Variants in KIF26B observed in about 807,000 individuals in gnomAD.
The protein encoded by KIF26B is kinesin-like protein KIF26B.
KIF26B carries 63 observed loss-of-function variants against 151.2 expected under a neutral mutation model. The observed-to-expected ratio is 0.42, with a 90% CI of 0.34 to 0.51. The LOEUF (loss-of-function observed/expected upper bound fraction) is 0.51, where lower values mean the gene tolerates loss of function less well. Among genes scored for constraint, KIF26B ranks in the 20% least tolerant of loss-of-function variants. KIF26B has a pLI of 0.07. For synonymous variants in KIF26B, 1,357 were observed against 1,262.1 expected (o/e 1.08, Z -1.59); for missense variants, 2,813 against 2,913.6 (o/e 0.97, Z 0.79).
intron 5 of KIF26B, among the ~76,000 whole-genome samples, chr1:245,569,585 C>G (rs137881108): frequency 6.6e-6 from 1 of 151,494 alleles, no homozygotes; most frequent in Non-Finnish European, 1.5e-5. Flanking sequence ...CCAGCCTGGG[C>G]GACACAGCGA....
chr1:245,324,581 C>T (rs375932011), intron 2 of KIF26B, among the ~76,000 whole-genome samples: 1 of 152,132 alleles, frequency 6.6e-6, no homozygotes, highest in African/African-American at 2.4e-5. Flanking sequence ...TCTTTTTCCT[C>T]TTTTATTGTT....
At position 245,434,622 on chromosome 1, in the gene KIF26B, C is replaced by G. The variant is rs188814158; in HGVS notation, c.1166+14877C>G. On this transcript the variant is annotated intron_variant, in intron 4 of 14. Coordinates refer to ENST00000407071, the MANE Select transcript of KIF26B (RefSeq NM_018012.4). ...CGAGGGTTTCCTCTGGCTGTGGGAG[C>G]CCCCTGCACCCACACAGGGGGCAGG... Among the ~76,000 whole-genome samples, 85 of 152,254 alleles carry G rather than the reference C, an allele frequency of 5.6e-4. 1 individual carries two copies. Among genetic ancestry groups the G allele is most frequent in the African/African-American group, 2.0e-3 (82 of 41,546 alleles).
At chr1:245,659,887 GAA>G (rs201409105) in intron 10 of KIF26B, among the ~76,000 whole-genome samples, 3,117 of 130,516 alleles carry the variant, frequency 0.024, 112 homozygotes, top group African/African-American at 0.083. Flanking sequence ...AAAAATACAA[GAA>G]AAAAAAAAAA....
intron 4 of KIF26B, among the ~76,000 whole-genome samples, chr1:245,425,998 C>A (rs1247375160): frequency 6.6e-6 from 1 of 152,148 alleles, no homozygotes; most frequent in African/African-American, 2.4e-5. Flanking sequence ...ATATTAAGGG[C>A]ATTTTTTATT....
At chr1:245,585,498 G>C (rs1478793768) in intron 5 of KIF26B, among the ~76,000 whole-genome samples, 1 of 151,890 alleles carries the variant, frequency 6.6e-6, no homozygotes, top group Non-Finnish European at 1.5e-5. Context: ...CCTGAGGATG[G>C]AGGAGCCAGG....
At chr1:245,600,499 AT>A (rs956683991) in intron 5 of KIF26B, among the ~76,000 whole-genome samples, 32 of 149,488 alleles carry the variant, frequency 2.1e-4, no homozygotes, top group African/African-American at 6.4e-4. Context: ...ACACCTGGCT[AT>A]TTTTTTTTAA....
At chr1:245,399,100 C>T (rs150743361) in intron 3 of KIF26B, among the ~76,000 whole-genome samples, 2 of 152,306 alleles carry the variant, frequency 1.3e-5, no homozygotes, top group East Asian at 1.9e-4. Context: ...ATGTCCTTTA[C>T]AGCATTGTCT....
At position 245,239,580 on chromosome 1, in the gene KIF26B, T is replaced by A. The variant is rs1321770775; in HGVS notation, c.465+82897T>A. ...GTGCAGTGGCGTGATCTCAGCTCAC[T>A]GCAACCTCTGCCTCCTAGGTTCAAG... is the stretch of plus-strand genomic sequence containing the variant. On this transcript the variant is annotated intron_variant, in intron 2 of 14. Transcript: ENST00000407071. The surrounding 1 kb of genome is among the most constrained non-coding windows in gnomAD (Gnocchi z 4.3). Among the ~76,000 whole-genome samples the A allele has an allele frequency of 6.6e-6, 1 of 152,166 alleles. No homozygotes were observed. Among genetic ancestry groups the A allele is most frequent in the Non-Finnish European group, 1.5e-5 (1 of 68,030 alleles).
chr1:245,366,878 C>G lies in KIF26B; in HGVS notation c.510C>G (p.Pro170=). ...SAVIHDKLQV[P]NTIRKAWNDR... ...TGATTCACGACAAACTCCAGGTCCC[C>G]AACACCATCCGGAAGGCATGGAACG... The change falls in exon 3 of 15, where the codon CCC becomes CCG. Residue 170 remains proline, a synonymous_variant. Transcript: ENST00000407071. 2 of 1,614,046 alleles carry G rather than the reference C, an allele frequency of 1.2e-6. No homozygotes were observed. The highest frequency in any genetic ancestry group is 1.7e-6 in the Non-Finnish European group (2 of 1,179,902).
chr1:245,347,000 C>T (rs1672469350), intron 2 of KIF26B, among the ~76,000 whole-genome samples: 1 of 152,222 alleles, frequency 6.6e-6, no homozygotes, highest in Non-Finnish European at 1.5e-5. Context: ...CTTCATCCCA[C>T]TCTCCTTGCA....
intron 4 of KIF26B, among the ~76,000 whole-genome samples, chr1:245,500,068 C>T (rs974959493): frequency 2.6e-5 from 4 of 152,208 alleles, no homozygotes; most frequent in African/African-American, 4.8e-5. Context: ...TTGCTAAGAA[C>T]GGTGGAAGGT....
intron 9 of KIF26B, among the ~76,000 whole-genome samples, chr1:245,630,486 A>G (rs2043769106): frequency 6.6e-6 from 1 of 152,222 alleles, no homozygotes; most frequent in Non-Finnish European, 1.5e-5. Flanking sequence ...ACAGGAACAG[A>G]AAACCAAACA....
At chr1:245,271,467 A>G (rs1454641402) in intron 2 of KIF26B, among the ~76,000 whole-genome samples, 2 of 151,760 alleles carry the variant, frequency 1.3e-5, no homozygotes, top group Non-Finnish European at 1.5e-5. Flanking sequence ...CTTGTAATCC[A>G]TGTACATAGG....
At chr1:245,483,627 C>A (rs7520037) in intron 4 of KIF26B, among the ~76,000 whole-genome samples, 19,482 of 151,884 alleles carry the variant, frequency 0.13, 1,983 homozygotes, top group African/African-American at 0.26. Flanking sequence ...TTCCCACGGT[C>A]CCATTCCAGT....
chr1:245,159,910 G>A (rs905629453), intron 2 of KIF26B, among the ~76,000 whole-genome samples: 2 of 152,188 alleles, frequency 1.3e-5, no homozygotes, highest in African/African-American at 4.8e-5. Context: ...GTAACGGAGT[G>A]GGTGATAGTG....
chr1:245,471,123 G>GTATATATA (rs200717016), intron 4 of KIF26B, among the ~76,000 whole-genome samples: 14 of 139,672 alleles, frequency 1.0e-4, no homozygotes, highest in African/African-American at 3.0e-4. Context: ...GTATGTGTGT[G>GTATATATA]TGTGTGTGTA....
At chr1:245,415,246 C>G (rs549024703) in intron 3 of KIF26B, among the ~76,000 whole-genome samples, 4 of 152,294 alleles carry the variant, frequency 2.6e-5, no homozygotes, top group African/African-American at 9.6e-5. Context: ...CAGAGACACA[C>G]TGTCACCGTT....
chr1:245,404,992 GGTATTTTTACTA>G (rs1180075005), intron 3 of KIF26B, among the ~76,000 whole-genome samples: 1 of 152,160 alleles, frequency 6.6e-6, no homozygotes, highest in Non-Finnish European at 1.5e-5. Flanking sequence ...CATTCTTAAT[GGTATTTTTACTA>G]GTGAAATAGA....
intron 2 of KIF26B, among the ~76,000 whole-genome samples, chr1:245,362,888 T>C (rs1672856537): frequency 6.6e-6 from 1 of 152,226 alleles, no homozygotes; most frequent in Non-Finnish European, 1.5e-5. Context: ...CTTAAAACTT[T>C]AGGTTGAAAA....
Sources: allele counts gnomAD v4.1 joint callset (sites outside exome capture counted in the v4.1 genomes callset), GRCh38; gene constraint gnomAD v4.1.1; non-coding constraint Gnocchi (gnomAD v3.1); transcripts MANE v1.5; gene names NCBI Gene and HGNC (gene_info 2026-07-23, HGNC 2026-07-21).